The following VPS35L variants were observed in gnomAD, a reference collection of about 807,000 sequenced individuals.
The protein encoded by VPS35L is VPS35 endosomal protein-sorting factor-like.
Under a neutral mutation model 133.0 loss-of-function variants are expected in VPS35L, and 83 were observed. The ratio of observed to expected loss-of-function variants is 0.62; its 90% CI spans 0.52 to 0.75. VPS35L has a LOEUF of 0.75. Ranked by LOEUF, VPS35L falls within the 30% of genes least tolerant of loss-of-function variation. The probability of loss-of-function intolerance (pLI) is 0.00; values close to 1 mark genes in which losing one functional copy is unlikely to be tolerated. For missense variants in VPS35L, 1,083 were observed against 1,206.8 expected (o/e 0.90, Z 1.52); for synonymous variants, 423 against 449.9 (o/e 0.94, Z 0.76).
chr16:19,556,032 C>T (rs540090845), intron 1 of VPS35L, among the ~76,000 whole-genome samples: 1 of 152,216 alleles, frequency 6.6e-6, no homozygotes, highest in South Asian at 2.1e-4. Context: ...TCCAGGCTTC[C>T]GCGTCCCCAG....
intron 2 of VPS35L, among the ~76,000 whole-genome samples, chr16:19,565,253 G>A (rs566028343): frequency 1.3e-5 from 2 of 151,324 alleles, no homozygotes; most frequent in South Asian, 4.2e-4. Flanking sequence ...ATGGGGTTTC[G>A]CCATGTTGCC....
chr16:19,626,062 C>T (rs1330802073), intron 14 of VPS35L, 115 bp from the exon 15 acceptor site: 19 of 662,298 alleles, frequency 2.9e-5, no homozygotes, highest in Non-Finnish European at 4.1e-5. Flanking sequence ...TGAGAATTAT[C>T]TTAATGGACA....
intron 18 of VPS35L, 74 bp downstream of exon 18, chr16:19,629,894 T>TA: frequency 1.3e-5 from 18 of 1,440,002 alleles, no homozygotes; most frequent in Non-Finnish European, 1.8e-5. Flanking sequence ...TAGCCTAGTT[T>TA]AGGTATTGAG....
At chr16:19,601,103 A>AT (rs1314618083) in intron 8 of VPS35L, among the ~76,000 whole-genome samples, 1 of 151,810 alleles carries the variant, frequency 6.6e-6, no homozygotes, top group African/African-American at 2.4e-5. Context: ...TAATTTTTAA[A>AT]TTTTTTGTAC....
chr16:19,633,028 A>G lies in VPS35L; in HGVS notation c.1555-64A>G. 1.6e-6 allele frequency: 2 copies of G among 1,282,716 alleles called. No homozygotes were observed. The allele number at this position is 1,282,716 out of a possible 1,614,324, so 79.5% of individuals were successfully genotyped here. On this transcript the variant is annotated intron_variant, in intron 18 of 30. Coordinates refer to ENST00000417362, the MANE Select transcript of VPS35L (RefSeq NM_020314.7). The surrounding 1 kb of genome is among the most constrained non-coding windows in gnomAD (Gnocchi z 4.1). ...TCTGAATACGTTAGTCCTTTCCCCC[A>G]GGAACATGGTCAGCAGTTGCCATAC...
At chr16:19,584,442 C>T (rs1308342399) in intron 7 of VPS35L, among the ~76,000 whole-genome samples, 2 of 152,008 alleles carry the variant, frequency 1.3e-5, no homozygotes, top group Admixed American at 6.6e-5. Flanking sequence ...GCCTGGCCAA[C>T]ATGGTAAAAC....
At chr16:19,619,951 A>T (rs894618538) in intron 14 of VPS35L, among the ~76,000 whole-genome samples, 1 of 152,190 alleles carries the variant, frequency 6.6e-6, no homozygotes, top group Non-Finnish European at 1.5e-5. Flanking sequence ...CCAAGACTTC[A>T]AAATAGGGGA....
intron 10 of VPS35L, 106 bp downstream of exon 10, chr16:19,608,380 G>A (rs2151545050): frequency 1.2e-6 from 1 of 868,122 alleles, no homozygotes; most frequent in East Asian, 2.5e-5. Flanking sequence ...CTTATTGAAA[G>A]TTTGGTCCCG....
rs1354054611 is a variant in VPS35L at position 19,652,079 on chromosome 16, G to A, written c.2210G>A (p.Cys737Tyr). 1.3e-6 allele frequency: 2 copies of A among 1,594,172 alleles called. No homozygotes were observed. The highest frequency in any genetic ancestry group is 1.7e-6 in the Non-Finnish European group (2 of 1,165,392). The change falls in exon 26 of 31, where the codon TGC (cysteine) becomes TAC (tyrosine). Residue 737 changes from cysteine (C) to tyrosine (Y), a missense_variant. By Grantham distance (194) the Cys-to-Tyr change is radical (BLOSUM62 -2). Coordinates refer to ENST00000417362, the MANE Select transcript of VPS35L (RefSeq NM_020314.7). ...GGTCAGGTGGCCTTGGCCAACCAGTGCCTCTCCCAAGGTAAGTCCATCATT... is the reference window on the plus strand; with the variant it reads ...GGTCAGGTGGCCTTGGCCAACCAGTACCTCTCCCAAGGTAAGTCCATCATT... Reference protein sequence around the residue: ...HSGQVALANQCLSQADAFFKA... With the variant: ...HSGQVALANQYLSQADAFFKA...
intron 8 of VPS35L, among the ~76,000 whole-genome samples, chr16:19,592,360 A>G (rs1025957952): frequency 1.3e-5 from 2 of 151,902 alleles, no homozygotes; most frequent in Non-Finnish European, 2.9e-5. Context: ...AATTACAGGC[A>G]TGAGCCACCA....
chr16:19,644,101 T>C (rs1435841289), intron 22 of VPS35L, among the ~76,000 whole-genome samples: 1 of 152,216 alleles, frequency 6.6e-6, no homozygotes, highest in Non-Finnish European at 1.5e-5. Context: ...TTAAAAATTT[T>C]TTTTTTAAAT....
At chr16:19,671,767 A>T (rs1974884197) in intron 27 of VPS35L, among the ~76,000 whole-genome samples, 1 of 152,072 alleles carries the variant, frequency 6.6e-6, no homozygotes, top group Non-Finnish European at 1.5e-5. Context: ...ACAGAGCAAG[A>T]CTCCATCTCA....
rs746186181 is a variant in VPS35L at position 19,569,455 on chromosome 16, G to A, written c.149G>A (p.Arg50Gln). ...GAGTCAAAGACAAAGAAAGTGAACC[G>A]GAAAGGAAGCACTTCTTCCACGTCC... ...VTESKTKKVN[R>Q]KGSTSSTSSS... The change falls in exon 3 of 31, where the codon CGG becomes CAG. Residue 50 changes from arginine (R) to glutamine (Q), a missense_variant. Coordinates refer to ENST00000417362, the MANE Select transcript of VPS35L (RefSeq NM_020314.7). 28 of 1,600,452 alleles carry A rather than the reference G, an allele frequency of 1.7e-5. No individual in the cohort carries two copies. Among genetic ancestry groups the A allele is most frequent in the Middle Eastern group, 1.7e-4 (1 of 5,966 alleles).
At chr16:19,629,626 A>AG (rs1298822902) in intron 17 of VPS35L, 141 bp from the exon 18 acceptor site, 1 of 597,728 alleles carries the variant, frequency 1.7e-6, no homozygotes, top group African/African-American at 1.9e-5. Flanking sequence ...TTCCTAAATA[A>AG]AAGATCAGCC....
At chr16:19,673,164 A>C (rs1974933289) in intron 27 of VPS35L, among the ~76,000 whole-genome samples, 1 of 152,140 alleles carries the variant, frequency 6.6e-6, no homozygotes, top group South Asian at 2.1e-4. Context: ...TAAACCTGAA[A>C]CTCTGTCCCT....
At chr16:19,700,294 C>A in intron 30 of VPS35L, 84 bp from the exon 31 acceptor site, 1 of 1,203,742 alleles carries the variant, frequency 8.3e-7, no homozygotes, top group Non-Finnish European at 1.2e-6. Context: ...GAAATCTAAG[C>A]TCACATAATG....
intron 7 of VPS35L, among the ~76,000 whole-genome samples, chr16:19,589,790 G>A (rs1971983109): frequency 6.6e-6 from 1 of 152,282 alleles, no homozygotes; most frequent in Admixed American, 6.5e-5. Context: ...TGTTTGGGAA[G>A]CCCCAGCTGT....
chr16:19,592,005 C>CCCATGG, intron 8 of VPS35L, 131 bp downstream of exon 8: 2 of 664,962 alleles, frequency 3.0e-6, no homozygotes, highest in Non-Finnish European at 5.3e-6. Context: ...AGAGATCAAA[C>CCCATGG]CGTTCCCCCC....
intron 7 of VPS35L, among the ~76,000 whole-genome samples, chr16:19,589,824 A>G (rs916975098): frequency 2.0e-5 from 3 of 152,224 alleles, no homozygotes; most frequent in Non-Finnish European, 4.4e-5. Context: ...TCCTCTGTTT[A>G]AATTCTCTCT....
Sources: allele counts gnomAD v4.1 joint callset (sites outside exome capture counted in the v4.1 genomes callset), GRCh38; gene constraint gnomAD v4.1.1; non-coding constraint Gnocchi (gnomAD v3.1); transcripts MANE v1.5; gene names NCBI Gene and HGNC (gene_info 2026-07-23, HGNC 2026-07-21).